Variants in TNRC6C observed in about 807,000 individuals in gnomAD.
TNRC6C encodes the protein trinucleotide repeat-containing gene 6C protein.
Under a neutral mutation model 153.7 loss-of-function variants are expected in TNRC6C, and 20 were observed. That is an observed-to-expected ratio of 0.13 (90% CI 0.09 to 0.19). The LOEUF (loss-of-function observed/expected upper bound fraction) is 0.19. Ranked by LOEUF, TNRC6C falls within the 10% of genes least tolerant of loss-of-function variation. The pLI is 1.00. For missense variants in TNRC6C, 1,987 were observed against 2,172.0 expected, an observed-to-expected ratio of 0.91 and a Z score of 1.69; for synonymous variants, 811 against 841.4, an observed-to-expected ratio of 0.96 and a Z score of 0.63.
intron 1 of TNRC6C, among the ~76,000 whole-genome samples, chr17:77,969,886 G>C (rs1252977658): frequency 2.0e-5 from 3 of 152,036 alleles, no homozygotes; most frequent in Middle Eastern, 3.2e-3. Flanking sequence ...ATTATAAAAG[G>C]TGAGAAGACA....
At chr17:78,021,980 A>G (rs371574239) in intron 1 of TNRC6C, among the ~76,000 whole-genome samples, 1 of 152,240 alleles carries the variant, frequency 6.6e-6, no homozygotes, top group Non-Finnish European at 1.5e-5. Flanking sequence ...GTCTAATATT[A>G]CAAGTAGTTG....
chr17:78,009,309 A>G (rs1329665067), intron 1 of TNRC6C, among the ~76,000 whole-genome samples: 1 of 151,566 alleles, frequency 6.6e-6, no homozygotes, highest in African/African-American at 2.4e-5. Context: ...TGATATGATG[A>G]CCTTGGGAGC....
upstream of TNRC6C, chr17:78,004,170 GGAGA>G: frequency 1.6e-6 from 2 of 1,231,392 alleles, no homozygotes; most frequent in South Asian, 8.2e-5. Flanking sequence ...TATTTAATAG[GGAGA>G]AAGAGCAAGA....
At position 78,067,740 on chromosome 17, in the gene TNRC6C, G is replaced by A. The variant is rs1598752154; in HGVS notation, c.2612-17G>A. On this transcript the variant is annotated splice_polypyrimidine_tract_variant and intron_variant, in intron 4 of 19. Coordinates refer to ENST00000301624, the Ensembl canonical transcript of TNRC6C. ...AGGGACATGAATTTGATAAGTTCAT[G>A]TTTGCTCTGTTTCTAGCTTCAAAAT... 7 of 1,597,110 alleles carry A rather than the reference G, an allele frequency of 4.4e-6. No individual in the cohort carries two copies. The highest frequency in any genetic ancestry group is 6.0e-6 in the Non-Finnish European group (7 of 1,173,664).
chr17:78,050,144 C>T (rs770658131), exon 3 of TNRC6C: 3 of 1,594,506 alleles, frequency 1.9e-6, no homozygotes, highest in Non-Finnish European at 2.6e-6. Flanking sequence ...AAAGGATCAA[C>T]AGGGTGGGAG....
At chr17:78,026,542 T>G (rs1598705166) in intron 1 of TNRC6C, among the ~76,000 whole-genome samples, 1 of 152,218 alleles carries the variant, frequency 6.6e-6, no homozygotes, top group Admixed American at 6.5e-5. Flanking sequence ...AAATGTGCCC[T>G]AGAATTGATG....
intron 1 of TNRC6C, among the ~76,000 whole-genome samples, chr17:77,981,226 G>A (rs2071073397): frequency 6.6e-6 from 1 of 152,166 alleles, no homozygotes; most frequent in South Asian, 2.1e-4. Flanking sequence ...AGTGCTGGGA[G>A]CCACTGCTCC....
chr17:78,022,661 T>C (rs1024615160), intron 1 of TNRC6C, among the ~76,000 whole-genome samples: 1 of 152,194 alleles, frequency 6.6e-6, no homozygotes, highest in African/African-American at 2.4e-5. Flanking sequence ...TCAAATTCTT[T>C]GCTTCTGAGT....
At position 78,089,943 on chromosome 17, in the gene TNRC6C, A is replaced by G. The variant is rs996558226; in HGVS notation, c.3803-1497A>G. ...TTCCCAGAGGGGAAAGTTGGGAGAGATGGGTTGGCGCCAAATTGTGAAATT... is the reference window on the plus strand; with the variant it reads ...TTCCCAGAGGGGAAAGTTGGGAGAGGTGGGTTGGCGCCAAATTGTGAAATT... On this transcript the variant is annotated intron_variant, in intron 13 of 19. Transcript: ENST00000301624. Among the ~76,000 whole-genome samples, 3 of 152,156 alleles carry G rather than the reference A, an allele frequency of 2.0e-5. No homozygotes were observed. In the South Asian group the frequency reaches 6.2e-4, roughly 32 times the overall value.
At chr17:77,977,168 G>A (rs899838178) in intron 1 of TNRC6C, among the ~76,000 whole-genome samples, 1 of 151,534 alleles carries the variant, frequency 6.6e-6, no homozygotes, top group East Asian at 1.9e-4. Context: ...ACTCCTTGAA[G>A]GCAGGATTCA....
chr17:78,045,506 G>A (rs1241346982), intron 2 of TNRC6C, among the ~76,000 whole-genome samples: 1 of 152,200 alleles, frequency 6.6e-6, no homozygotes, highest in Admixed American at 6.5e-5. Flanking sequence ...TGTAGTGGAA[G>A]TGGTTCCCTC....
intron 17 of TNRC6C, among the ~76,000 whole-genome samples, chr17:78,101,540 C>G (rs1470039408): frequency 6.6e-6 from 1 of 152,204 alleles, no homozygotes; most frequent in Non-Finnish European, 1.5e-5. Context: ...ATTAAAGACA[C>G]ACACACAGAA....
chr17:78,038,427 A>G (rs1357163395), intron 2 of TNRC6C, among the ~76,000 whole-genome samples: 1 of 152,112 alleles, frequency 6.6e-6, no homozygotes, highest in Non-Finnish European at 1.5e-5. Flanking sequence ...TAATCCCAGC[A>G]CTTTGGGAGG....
At chr17:77,965,350 G>A (rs1265578025) in intron 1 of TNRC6C, among the ~76,000 whole-genome samples, 1 of 152,210 alleles carries the variant, frequency 6.6e-6, no homozygotes, top group Non-Finnish European at 1.5e-5. Context: ...AGCACTTTGT[G>A]TGTATGATCT....
At chr17:78,090,044 C>G (rs2073365948) in intron 13 of TNRC6C, among the ~76,000 whole-genome samples, 1 of 152,140 alleles carries the variant, frequency 6.6e-6, no homozygotes, top group African/African-American at 2.4e-5. Context: ...CAAGCTGAAA[C>G]GAAAAGAACC....
chr17:77,982,591 G>A (rs2071095753), intron 1 of TNRC6C, among the ~76,000 whole-genome samples: 1 of 152,170 alleles, frequency 6.6e-6, no homozygotes, highest in Non-Finnish European at 1.5e-5. Flanking sequence ...CAGCACTATG[G>A]GAGGCTGAGG....
chr17:78,092,809 G>A, intron 14 of TNRC6C, 124 bp from the exon 17 acceptor site: 3 of 674,368 alleles, frequency 4.4e-6, no homozygotes, highest in Non-Finnish European at 7.4e-6. Flanking sequence ...TACAATTCAT[G>A]TAACTGAATA....
At chr17:77,976,852 C>T (rs1171509816) in intron 1 of TNRC6C, among the ~76,000 whole-genome samples, 2 of 143,292 alleles carry the variant, frequency 1.4e-5, no homozygotes, top group South Asian at 2.2e-4. Flanking sequence ...TTGCTTGAAT[C>T]CAGGTGGTGG....
chr17:77,969,164 G>A (rs1157783107), intron 1 of TNRC6C, among the ~76,000 whole-genome samples: 2 of 152,100 alleles, frequency 1.3e-5, no homozygotes, highest in African/African-American at 4.8e-5. Context: ...AAGAAGCCAG[G>A]TCACCTAATT....
Sources: allele counts gnomAD v4.1 joint callset (sites outside exome capture counted in the v4.1 genomes callset), GRCh38; gene constraint gnomAD v4.1.1; transcripts MANE v1.5; gene names NCBI Gene and HGNC (gene_info 2026-07-23, HGNC 2026-07-21).